NUP205: variants seen among roughly 807,000 people sequenced by gnomAD.
NUP205 encodes nucleoporin 205, also known as nuclear pore complex protein Nup205.
NUP205 carries 76 observed loss-of-function variants against 253.8 expected under a neutral mutation model. The ratio of observed to expected loss-of-function variants is 0.30; its 90% CI spans 0.25 to 0.36. NUP205 has a LOEUF of 0.36. Among genes scored for constraint, NUP205 ranks in the 10% least tolerant of loss-of-function variants. The pLI is 1.00. For synonymous variants in NUP205, 832 were observed against 850.1 expected, an observed-to-expected ratio of 0.98 and a Z score of 0.37; for missense variants, 2,162 against 2,425.5, an observed-to-expected ratio of 0.89 and a Z score of 2.28.
intron 21 of NUP205, 119 bp downstream of exon 21, chr7:135,607,034 T>C: frequency 8.4e-7 from 1 of 1,183,972 alleles, no homozygotes; most frequent in Non-Finnish European, 1.2e-6. Flanking sequence ...AGAAAGGTAA[T>C]GTGATGGATG....
intron 22 of NUP205, among the ~76,000 whole-genome samples, 199 bp from the exon 23 acceptor site, chr7:135,613,960 A>C (rs1458399005): frequency 6.6e-6 from 1 of 152,122 alleles, no homozygotes; most frequent in African/African-American, 2.4e-5. Context: ...ATTGTATTTC[A>C]GTGTATTTTC....
rs375590221 is a variant in NUP205 at position 135,624,541 on chromosome 7, A to G, written c.4480-623A>G. On this transcript the variant is annotated intron_variant, in intron 31 of 42. Coordinates refer to ENST00000285968, the MANE Select transcript of NUP205 (RefSeq NM_015135.3). The stretch of plus-strand genomic sequence containing the variant: ...CAGGTGCCCACCACCACGCCCAGCT[A>G]ATTTTTTTTGTATTTGTAGTAGAGA... 5.1e-4 allele frequency among the ~76,000 whole-genome samples: 78 copies of G among 152,056 alleles called. 1 individual carries two copies. In the South Asian group the frequency reaches 0.015, roughly 30 times the overall value.
intron 30 of NUP205, among the ~76,000 whole-genome samples, chr7:135,620,705 G>A (rs1794455884): frequency 6.6e-6 from 1 of 152,106 alleles, no homozygotes; most frequent in Non-Finnish European, 1.5e-5. Flanking sequence ...GAATTTCCAT[G>A]TGTAAAAGTA....
At chr7:135,616,470 AATTAG>A (rs979008671) in intron 24 of NUP205, among the ~76,000 whole-genome samples, 180 bp from the exon 25 acceptor site, 1 of 152,210 alleles carries the variant, frequency 6.6e-6, no homozygotes, top group African/African-American at 2.4e-5. Flanking sequence ...GGACAGAAAT[AATTAG>A]ATTAATGTTG....
In NUP205 at chr7:135,578,889, G is replaced by C. The variant is rs201168390; in HGVS notation, c.1016G>C (p.Gly339Ala). The C allele has an allele frequency of 6.2e-7, 1 of 1,604,234 alleles. No individual in the cohort carries two copies. The highest frequency in any genetic ancestry group is 2.2e-5 in the East Asian group (1 of 44,632). The change falls in exon 7 of 43, where the codon GGA becomes GCA. Residue 339 changes from glycine to alanine, a missense_variant. This residue lies in a region of NUP205 where 892 missense variants were observed against 957.1 expected (regional missense o/e 0.93). Coordinates refer to ENST00000285968, the MANE Select transcript of NUP205 (RefSeq NM_015135.3). ...VRLAWALALR[G>A]ISQLPDVTAL... is the part of the protein sequence containing the mutation. ...CTTGCCTGGGCGCTGGCATTGAGGG[G>C]AATATCCCAGCTACCTGATGTGACA...
At chr7:135,591,252 G>GATA (rs202000822) in intron 10 of NUP205, among the ~76,000 whole-genome samples, 198 bp from the exon 11 acceptor site, 5,081 of 150,432 alleles carry the variant, frequency 0.034, 113 homozygotes, top group Middle Eastern at 0.1. Context: ...ATTTCATAAA[G>GATA]GTATTTTATA....
At chr7:135,563,810 T>C (rs10258495) in intron 1 of NUP205, among the ~76,000 whole-genome samples, 81,601 of 151,622 alleles carry the variant, frequency 0.54, 23,076 homozygotes, top group Middle Eastern at 0.72. Context: ...CATAGCAACA[T>C]CCCAGTTCTA....
intron 35 of NUP205, among the ~76,000 whole-genome samples, chr7:135,631,632 G>T (rs1017985367): frequency 6.6e-6 from 1 of 151,848 alleles, no homozygotes; most frequent in Non-Finnish European, 1.5e-5. Flanking sequence ...CTTAGTTTTA[G>T]TTGTATATTT....
chr7:135,611,980 T>C (rs932498795), intron 22 of NUP205, among the ~76,000 whole-genome samples: 8 of 151,524 alleles, frequency 5.3e-5, no homozygotes, highest in African/African-American at 1.9e-4. Flanking sequence ...ATTAGCCGGG[T>C]ATGGTGGTGG....
chr7:135,564,400 C>A (rs941555993), intron 1 of NUP205, among the ~76,000 whole-genome samples: 1 of 151,892 alleles, frequency 6.6e-6, no homozygotes, highest in Non-Finnish European at 1.5e-5. Flanking sequence ...GTGTTAGCCA[C>A]CATGCCCAGC....
chr7:135,620,575 T>G (rs1000608493), intron 30 of NUP205, among the ~76,000 whole-genome samples: 2 of 152,228 alleles, frequency 1.3e-5, no homozygotes, highest in African/African-American at 4.8e-5. Context: ...GATGAAACAC[T>G]TATCTGCCAT....
rs1223721865 is a variant in NUP205 at position 135,576,975 on chromosome 7, G to A, written c.495G>A (p.Glu165=). ...GKTWTLELSP[E]LASMTTRFTD... is the part of the protein sequence containing the mutation. ...TGATTTCTTTTCATTACAGTCCAGA[G>A]CTGGCTTCCATGACAACACGCTTTA... Residue 165 remains glutamate (E), a synonymous_variant, in exon 5 of 43, where the codon GAG becomes GAA. Transcript: ENST00000285968. 3.7e-6 allele frequency: 6 copies of A among 1,612,294 alleles called. No individual in the cohort carries two copies. Among genetic ancestry groups the A allele is most frequent in the South Asian group, 2.2e-5 (2 of 90,692 alleles).
At chr7:135,608,515 C>T (rs935697990) in intron 22 of NUP205, among the ~76,000 whole-genome samples, 11 of 151,174 alleles carry the variant, frequency 7.3e-5, no homozygotes, top group South Asian at 2.1e-4. Context: ...GGAGACCAGC[C>T]GGGGAAACAT....
chr7:135,586,416 A>C (rs1563117099), intron 8 of NUP205, among the ~76,000 whole-genome samples: 1 of 151,720 alleles, frequency 6.6e-6, no homozygotes, highest in Non-Finnish European at 1.5e-5. Context: ...ATTTTGCTTC[A>C]CCATTGTTGA....
chr7:135,570,161 G>T (rs1805915455), intron 1 of NUP205, among the ~76,000 whole-genome samples: 1 of 150,234 alleles, frequency 6.7e-6, no homozygotes, highest in South Asian at 2.1e-4. Context: ...GGTAAAACTA[G>T]GTTCAGCTGA....
chr7:135,584,825 T>C lies in NUP205; in HGVS notation c.1043-7T>C. 6.2e-7 allele frequency: 1 copy of C among 1,613,754 alleles called. No homozygotes were observed. Among genetic ancestry groups the C allele is most frequent in the Non-Finnish European group, 8.5e-7 (1 of 1,179,704 alleles). Reference sequence around the variant, plus strand: ...TCCATGTACTGTGTTTTAAAATCTGTTTCTAGCTCTGGCAGAATTCACAGA... The same window carrying C: ...TCCATGTACTGTGTTTTAAAATCTGCTTCTAGCTCTGGCAGAATTCACAGA... On this transcript the variant is annotated splice_region_variant and splice_polypyrimidine_tract_variant and intron_variant, in intron 7 of 42. Coordinates refer to ENST00000285968, the MANE Select transcript of NUP205 (RefSeq NM_015135.3).
At chr7:135,640,206 C>T (rs956587976) in intron 38 of NUP205, among the ~76,000 whole-genome samples, 1 of 152,098 alleles carries the variant, frequency 6.6e-6, no homozygotes, top group African/African-American at 2.4e-5. Context: ...GTACATGTAT[C>T]CCAGAACTTC....
intron 1 of NUP205, among the ~76,000 whole-genome samples, chr7:135,570,029 TTATA>T (rs145414092): frequency 0.062 from 6,114 of 98,168 alleles, 245 homozygotes; most frequent in Admixed American, 0.12. Context: ...TGTTTATGTT[TTATA>T]TATATATATA....
At chr7:135,616,765 A>C in intron 25 of NUP205, 39 bp downstream of exon 25, 1 of 1,228,856 alleles carries the variant, frequency 8.1e-7, no homozygotes, top group Non-Finnish European at 1.1e-6. Flanking sequence ...TATTTTATAG[A>C]CATATATTAA....
Sources: gnomAD v4.1 joint callset for allele counts (sites outside exome capture counted in the v4.1 genomes callset) on GRCh38, gnomAD v4.1.1 for gene constraint, gnomAD v4.1.1 regional missense constraint, MANE v1.5 for transcripts, NCBI Gene and HGNC (gene_info 2026-07-23, HGNC 2026-07-21) for gene names.